DDX10: variants seen among roughly 807,000 people sequenced by gnomAD.
DDX10 encodes the protein probable ATP-dependent RNA helicase DDX10.
DDX10 carries 74 observed loss-of-function variants against 104.3 expected under a neutral mutation model. The ratio of observed to expected loss-of-function variants is 0.71; its 90% confidence interval spans 0.59 to 0.86. The LOEUF is 0.86. DDX10 is among the 40% of genes least tolerant of loss of function. The pLI is 0.00. For synonymous variants in DDX10, 351 were observed against 353.4 expected (o/e 0.99, Z 0.08); for missense variants, 952 against 1,040.0 (o/e 0.92, Z 1.16).
chr11:108,838,640 A>C lies in DDX10; in HGVS notation c.2085+75A>C, dbSNP rs1011554540. The stretch of plus-strand genomic sequence containing the variant: ...AGAGATCGACTCTCTCTTACTTAGC[A>C]CTCATTAATGATAGAGTAAATGTTT... On this transcript the variant is annotated intron_variant, in intron 14 of 17. Coordinates refer to ENST00000322536, the MANE Select transcript of DDX10 (RefSeq NM_004398.4). 1.9e-4 allele frequency: 282 copies of C among 1,466,616 alleles called. 2 individuals carry two copies. In the East Asian group the frequency reaches 6.6e-3, roughly 35 times the overall value. The allele number at this position is 1,466,616 out of a possible 1,614,324, so 90.9% of individuals were successfully genotyped here.
chr11:108,827,906 C>T (rs540868469), intron 13 of DDX10, among the ~76,000 whole-genome samples: 1 of 152,216 alleles, frequency 6.6e-6, no homozygotes, highest in African/African-American at 2.4e-5. Flanking sequence ...AAAATTTCAT[C>T]TTTATTTGTG....
At chr11:108,682,995 G>A (rs1183982456) in intron 6 of DDX10, among the ~76,000 whole-genome samples, 1 of 152,074 alleles carries the variant, frequency 6.6e-6, no homozygotes, top group Non-Finnish European at 1.5e-5. Context: ...TTTCTGGCCA[G>A]CAAATGCCTT....
chr11:108,672,063 A>G (rs573202779), intron 1 of DDX10, among the ~76,000 whole-genome samples: 133 of 36,562 alleles, frequency 3.6e-3, no homozygotes, highest in Admixed American at 5.7e-3. Flanking sequence ...TCCATCTCGG[A>G]AAAAAAAAAA....
At chr11:108,838,941 C>A (rs1014280610) in intron 14 of DDX10, among the ~76,000 whole-genome samples, 3 of 152,210 alleles carry the variant, frequency 2.0e-5, no homozygotes, top group African/African-American at 7.2e-5. Context: ...CTGCTTTGCA[C>A]TTCCTCAATT....
intron 13 of DDX10, among the ~76,000 whole-genome samples, chr11:108,737,693 CGAT>C (rs1425943643): frequency 6.6e-6 from 1 of 152,154 alleles, no homozygotes; most frequent in African/African-American, 2.4e-5. Flanking sequence ...ATATTTTCAG[CGAT>C]GATCTGTCTT....
chr11:108,837,835 C>A (rs1297960320), intron 13 of DDX10, among the ~76,000 whole-genome samples: 1 of 151,852 alleles, frequency 6.6e-6, no homozygotes, highest in African/African-American at 2.4e-5. Context: ...GTTGGCCAGG[C>A]TGGTCTCGAA....
At chr11:108,694,551 T>C (rs2094257087) in intron 9 of DDX10, among the ~76,000 whole-genome samples, 1 of 152,178 alleles carries the variant, frequency 6.6e-6, no homozygotes, top group Non-Finnish European at 1.5e-5. Context: ...AAAAGTATCC[T>C]ATGTTTGCTC....
At chr11:108,871,626 A>G (rs540737988) in intron 16 of DDX10, among the ~76,000 whole-genome samples, 58 of 152,280 alleles carry the variant, frequency 3.8e-4, no homozygotes, top group African/African-American at 1.3e-3. Context: ...CAGTCCCACG[A>G]ATTTAAGAAA....
chr11:108,895,908 T>C (rs1863433651), intron 16 of DDX10, among the ~76,000 whole-genome samples: 1 of 152,118 alleles, frequency 6.6e-6, no homozygotes, highest in South Asian at 2.1e-4. Flanking sequence ...GTGGTGATAG[T>C]TTGTGATTTG....
chr11:108,836,786 G>C (rs182111418), intron 13 of DDX10, among the ~76,000 whole-genome samples: 4 of 152,264 alleles, frequency 2.6e-5, no homozygotes, highest in African/African-American at 9.6e-5. Flanking sequence ...ACCACACCCG[G>C]CCTTGGTGGT....
chr11:108,794,895 C>T (rs1419026803), intron 13 of DDX10, among the ~76,000 whole-genome samples: 8 of 33,000 alleles, frequency 2.4e-4, no homozygotes, highest in Admixed American at 4.2e-4. Flanking sequence ...GGCACCATTT[C>T]GGCTCACCTG....
chr11:108,876,668 C>G (rs1320912034), intron 16 of DDX10, among the ~76,000 whole-genome samples: 1 of 152,122 alleles, frequency 6.6e-6, no homozygotes, highest in Non-Finnish European at 1.5e-5. Flanking sequence ...TACCTCAACT[C>G]TAAATTTACT....
intron 16 of DDX10, among the ~76,000 whole-genome samples, chr11:108,877,699 T>G (rs1863171131): frequency 6.6e-6 from 1 of 152,242 alleles, no homozygotes; most frequent in Non-Finnish European, 1.5e-5. Flanking sequence ...CTTGTGGATC[T>G]GAGTAGATAC....
At chr11:108,772,013 C>T (rs1344823199) in intron 13 of DDX10, among the ~76,000 whole-genome samples, 1 of 152,152 alleles carries the variant, frequency 6.6e-6, no homozygotes, top group African/African-American at 2.4e-5. Flanking sequence ...GTAGTTTGTC[C>T]ATTGTTCTTG....
intron 2 of DDX10, among the ~76,000 whole-genome samples, chr11:108,674,323 A>G (rs2094221044): frequency 6.6e-6 from 1 of 152,120 alleles, no homozygotes; most frequent in Non-Finnish European, 1.5e-5. Flanking sequence ...GTATATATTT[A>G]CAGTGTATAC....
chr11:108,737,294 C>T (rs2094319592), intron 13 of DDX10, among the ~76,000 whole-genome samples: 1 of 152,180 alleles, frequency 6.6e-6, no homozygotes, highest in South Asian at 2.1e-4. Context: ...CTCTATTAAG[C>T]AGGTAGCAGA....
intron 16 of DDX10, among the ~76,000 whole-genome samples, chr11:108,858,314 A>G (rs1329315661): frequency 6.6e-6 from 1 of 152,154 alleles, no homozygotes. Flanking sequence ...ATTGTCTCTC[A>G]TCACTAGACT....
intron 9 of DDX10, among the ~76,000 whole-genome samples, chr11:108,700,188 C>A (rs2094265722): frequency 6.6e-6 from 1 of 152,142 alleles, no homozygotes; most frequent in South Asian, 2.1e-4. Context: ...ACCTCCCACC[C>A]CTGTACCACA....
At chr11:108,860,020 T>TTTC (rs932449681) in intron 16 of DDX10, among the ~76,000 whole-genome samples, 1 of 152,186 alleles carries the variant, frequency 6.6e-6, no homozygotes, top group Non-Finnish European at 1.5e-5. Context: ...TCTTTCCTCC[T>TTTC]TTCTTCTTCT....
Sources: gnomAD v4.1 joint callset for allele counts (sites outside exome capture counted in the v4.1 genomes callset) on GRCh38, gnomAD v4.1.1 for gene constraint, MANE v1.5 for transcripts, NCBI Gene and HGNC (gene_info 2026-07-23, HGNC 2026-07-21) for gene names.